Variants in AGBL5 observed in about 807,000 individuals in gnomAD.
AGBL5 encodes the protein cytosolic carboxypeptidase-like protein 5.
AGBL5 carries 51 observed loss-of-function variants against 88.0 expected under a neutral mutation model. The observed-to-expected ratio is 0.58, with a 90% CI of 0.46 to 0.73. The LOEUF is 0.73. AGBL5 is among the 30% of genes least tolerant of loss of function. The probability of loss-of-function intolerance (pLI) is 0.00; values close to 1 mark genes in which losing one functional copy is unlikely to be tolerated. For missense variants in AGBL5, 1,031 were observed against 1,162.2 expected, an observed-to-expected ratio of 0.89 and a Z score of 1.64; for synonymous variants, 446 against 438.8, an observed-to-expected ratio of 1.02 and a Z score of -0.21.
rs1216053018 is a variant in AGBL5 at position 27,055,846 on chromosome 2, C to T, written c.1073C>T (p.Pro358Leu). The T allele has an allele frequency of 6.2e-6, 10 of 1,614,226 alleles. No individual in the cohort carries two copies. In the South Asian group the frequency reaches 7.7e-5, roughly 12 times the overall value. ...SEHQPSSCLP[P>L]DAPVSDLEKA... ...CACCAGCCCAGTTCCTGTCTCCCTC[C>T]TGATGCTCCTGTTTCTGACCTGGAG... Residue 358 changes from proline (P) to leucine (L), a missense_variant, in exon 7 of 15, where the codon CCT becomes CTT. This residue lies in a region of AGBL5 where 540 missense variants were observed against 678.2 expected (regional missense o/e 0.80). Coordinates refer to ENST00000360131, the MANE Select transcript of AGBL5 (RefSeq NM_021831.6).
chr2:27,058,733 T>C lies in AGBL5; in HGVS notation c.1874+131T>C, dbSNP rs527847579. The C allele has an allele frequency of 1.1e-5, 11 of 985,400 alleles. No individual in the cohort carries two copies. In the East Asian group the frequency reaches 2.1e-4, roughly 19 times the overall value. The allele number at this position is 985,400 out of a possible 1,614,324, so 61.0% of individuals were successfully genotyped here. A position where few individuals can be genotyped will look rare whatever the true frequency, so the allele number is the denominator to read the frequency against. On this transcript the variant is annotated intron_variant, in intron 10 of 14. Transcript: ENST00000360131. ...AAATGGCAAATATCTTCAGGGTAAA[T>C]TAAAATTAGTCAGATTAGTTTATTC...
chr2:27,051,018 C>T (rs1262204097), upstream of AGBL5: 2 of 152,256 alleles, frequency 1.3e-5, no homozygotes, highest in Non-Finnish European at 2.9e-5. Flanking sequence ...TTTCTGCGTT[C>T]AATGTACATG....
At chr2:27,065,356 T>G (rs1262490720) in intron 11 of AGBL5, among the ~76,000 whole-genome samples, 1 of 152,054 alleles carries the variant, frequency 6.6e-6, no homozygotes, top group Non-Finnish European at 1.5e-5. Flanking sequence ...TCAGAACTTG[T>G]AGTAATAAGT....
Position 27,069,836 on chromosome 2 carries a change from G to C in AGBL5, c.2489+130G>C, listed in dbSNP as rs1469753058. 8.2e-6 allele frequency: 12 copies of C among 1,464,740 alleles called. No individual in the cohort carries two copies. In the East Asian group the frequency reaches 2.9e-4, roughly 36 times the overall value. The allele number at this position is 1,464,740 out of a possible 1,614,324, so 90.7% of individuals were successfully genotyped here. A position where few individuals can be genotyped will look rare whatever the true frequency, so the allele number is the denominator to read the frequency against. On this transcript the variant is annotated intron_variant, in intron 14 of 14. Coordinates refer to ENST00000360131, the MANE Select transcript of AGBL5 (RefSeq NM_021831.6). The stretch of plus-strand genomic sequence containing the variant: ...CAAAGACTAAATGTACTTCCATTAA[G>C]AATCTAGTCCCTGATTTTTTTTTCC...
intron 10 of AGBL5, 113 bp from the exon 11 acceptor site, chr2:27,059,077 G>A: frequency 2.0e-6 from 2 of 1,006,866 alleles, no homozygotes; most frequent in Non-Finnish European, 3.0e-6. Flanking sequence ...CTTGGGATGG[G>A]TCCCTGTGCC....
At position 27,053,885 on chromosome 2, in the gene AGBL5, C is replaced by G. The variant is rs375924230; in HGVS notation, c.388-11C>G. 2 of 1,609,134 alleles carry G rather than the reference C, an allele frequency of 1.2e-6. No homozygotes were observed. Among genetic ancestry groups the G allele is most frequent in the African/African-American group, 1.3e-5 (1 of 74,998 alleles). On this transcript the variant is annotated splice_polypyrimidine_tract_variant and intron_variant, in intron 3 of 14. Coordinates refer to ENST00000360131, the MANE Select transcript of AGBL5 (RefSeq NM_021831.6). The surrounding 1 kb of genome is among the most constrained non-coding windows in gnomAD (Gnocchi z 4.9). ...CATGTTGCCCCTCCCTCTTCCTCCT[C>G]TGCTCTTCAGATGACAGAGACGCAG...
In AGBL5 at chr2:27,058,542, G is replaced by A; in HGVS notation, c.1814G>A (p.Ser605Asn). Residue 605 changes from serine (S) to asparagine (N), a missense_variant, in exon 10 of 15, where the codon AGC becomes AAC. Transcript: ENST00000360131. ...KHVRNSRGLS[S>N]TLNVGVNKKR... ...GTACGCAACAGCCGAGGCCTAAGCA[G>A]CACTCTGAATGTGGGTGTCAACAAG... 1.2e-6 allele frequency: 2 copies of A among 1,614,210 alleles called. No individual in the cohort carries two copies. Among genetic ancestry groups the A allele is most frequent in the Non-Finnish European group, 1.7e-6 (2 of 1,180,042 alleles).
intron 7 of AGBL5, 60 bp downstream of exon 7, chr2:27,056,198 T>G: frequency 1.3e-6 from 2 of 1,546,284 alleles, no homozygotes; most frequent in Non-Finnish European, 1.8e-6. Context: ...GAGATGGGGT[T>G]AGGCCATGAA....
In AGBL5 at chr2:27,055,770, C is replaced by A; in HGVS notation, c.997C>A (p.Leu333Ile). Residue 333 changes from leucine to isoleucine, a missense_variant, in exon 7 of 15, where the codon CTT becomes ATT. Transcript: ENST00000360131. ...HPAIYGAKAV[L>I]LYHHVHSRLN... ...GGCCATCTATGGGGCCAAAGCTGTGCTTCTCTACCACCATGTGCACTCTCG... is the reference window on the plus strand; with the variant it reads ...GGCCATCTATGGGGCCAAAGCTGTGATTCTCTACCACCATGTGCACTCTCG... 1 of 1,614,192 alleles carries A rather than the reference C, an allele frequency of 6.2e-7. No homozygotes were observed.
chr2:27,058,452 G>A lies in AGBL5; in HGVS notation c.1724G>A (p.Trp575Ter). The A allele has an allele frequency of 1.2e-6, 2 of 1,613,940 alleles. No individual in the cohort carries two copies. The highest frequency in any genetic ancestry group is 2.2e-5 in the South Asian group (2 of 91,074). ...CTGGACATGGCGGAATGTAATCCGT[G>A]GCCCCGAATTGTACTGTCAGAGCAC... ...AALDMAECNP[W>*]PRIVLSEHSS... The change falls in exon 10 of 15, where the codon TGG becomes TAG. Residue 575 changes from tryptophan (W) to a stop codon, truncating the protein, a stop_gained. Transcript: ENST00000360131. LOFTEE classifies it high-confidence loss of function.
chr2:27,062,986 G>A (rs570920289), intron 11 of AGBL5: 1 of 152,224 alleles, frequency 6.6e-6, no homozygotes, highest in Non-Finnish European at 1.5e-5. Context: ...GGGAATAAAC[G>A]TAAGACTGTG....
chr2:27,067,755 T>G (rs1274845764), intron 12 of AGBL5, 109 bp downstream of exon 12: 2 of 1,208,996 alleles, frequency 1.7e-6, no homozygotes, highest in Non-Finnish European at 2.5e-6. Context: ...CCTCTTGGTA[T>G]CCTAAACCTC....
intron 9 of AGBL5, 44 bp downstream of exon 9, chr2:27,057,482 G>T: frequency 6.5e-7 from 1 of 1,549,004 alleles, no homozygotes; most frequent in South Asian, 1.2e-5. Context: ...AAACCTTACA[G>T]TCTGGAAAGG....
In AGBL5 at chr2:27,070,238, C is replaced by G. The variant is rs1302752074; in HGVS notation, c.2636C>G (p.Pro879Arg). The change falls in exon 15 of 15, where the codon CCA becomes CGA. Residue 879 changes from proline to arginine, a missense_variant. Coordinates refer to ENST00000360131, the MANE Select transcript of AGBL5 (RefSeq NM_021831.6). ...GTTTGTTTTGTCCCTAAATCTCCCC[C>G]ACTGACTGTTTCTCCCCGGGTCTGA... ...PEVCFVPKSP[P>R]LTVSPRV 6.8e-6 allele frequency: 11 copies of G among 1,614,106 alleles called. No homozygotes were observed. In the African/African-American group the frequency reaches 1.5e-4, roughly 22 times the overall value.
intron 14 of AGBL5, 148 bp downstream of exon 14, chr2:27,069,854 T>C (rs1669190649): frequency 6.9e-7 from 1 of 1,453,718 alleles, no homozygotes; most frequent in Non-Finnish European, 9.1e-7. Context: ...TCCCTGATTT[T>C]TTTTTCCCCC....
chr2:27,070,476 G>C lies in AGBL5; in HGVS notation c.*213G>C. The C allele has an allele frequency of 1.9e-6, 1 of 530,912 alleles. No homozygotes were observed. The highest frequency in any genetic ancestry group is 3.1e-5 in the South Asian group (1 of 31,868). 32.9% of individuals were successfully genotyped at this position (530,912 alleles called of 1,614,324 possible). ...CCCTCCCTCCGCAGCACAAGATTTTGGGACCACAAAAAAAAGTCTATATTT... is the reference window on the plus strand; with the variant it reads ...CCCTCCCTCCGCAGCACAAGATTTTCGGACCACAAAAAAAAGTCTATATTT... On this transcript the variant is annotated 3_prime_UTR_variant, in exon 15 of 15. Transcript: ENST00000360131.
In AGBL5 at chr2:27,069,349, G is replaced by A. The variant is rs113610587; in HGVS notation, c.2356-224G>A. 2.5e-5 allele frequency: 25 copies of A among 985,306 alleles called. No homozygotes were observed. The African/African-American group carries it at 2.6e-4, about 10-fold the overall frequency. The allele number at this position is 985,306 out of a possible 1,614,324, so 61.0% of individuals were successfully genotyped here. A position where few individuals can be genotyped will look rare whatever the true frequency, so the allele number is the denominator to read the frequency against. On this transcript the variant is annotated intron_variant, in intron 13 of 14. Transcript: ENST00000360131. The stretch of plus-strand genomic sequence containing the variant: ...GCCATGGCGGTTAAATGCTGGATCC[G>A]TTTGCCACCCCTAGTTATAGACTTG...
chr2:27,052,954 C>T lies in AGBL5; in HGVS notation c.-5C>T, dbSNP rs762417942. ...GGGGCAGGAGGATGCTTTCCCAGCC[C>T]CACCATGGAGCTGCGCTGTGGGGGA... On this transcript the variant is annotated 5_prime_UTR_variant, in exon 2 of 15. Coordinates refer to ENST00000360131, the MANE Select transcript of AGBL5 (RefSeq NM_021831.6). The T allele has an allele frequency of 1.0e-5, 16 of 1,584,948 alleles. No homozygotes were observed. In the South Asian group the frequency reaches 1.8e-4, roughly 18 times the overall value.
Position 27,056,094 on chromosome 2 carries a change from G to A in AGBL5, c.1321G>A (p.Gly441Ser), listed in dbSNP as rs1668420103. The A allele has an allele frequency of 6.2e-7, 1 of 1,613,886 alleles. No individual in the cohort carries two copies. The highest frequency in any genetic ancestry group is 8.5e-7 in the Non-Finnish European group (1 of 1,179,816). ...CCTGCATGGACATGCTTCCAAAAGG[G>A]GCTGCTTCATGTACGGAAACAGCTT... ...VDLHGHASKR[G>S]CFMYGNSFSD... Residue 441 changes from glycine to serine, a missense_variant, in exon 7 of 15, where the codon GGC becomes AGC. Gly to Ser is a moderately conservative substitution (Grantham distance 56). This residue lies in a region of AGBL5 where 540 missense variants were observed against 678.2 expected (regional missense o/e 0.80). Coordinates refer to ENST00000360131, the MANE Select transcript of AGBL5 (RefSeq NM_021831.6).
Sources: allele counts gnomAD v4.1 joint callset (sites outside exome capture counted in the v4.1 genomes callset), GRCh38; gene constraint gnomAD v4.1.1; regional missense constraint gnomAD v4.1.1; non-coding constraint Gnocchi (gnomAD v3.1); transcripts MANE v1.5; gene names NCBI Gene and HGNC (gene_info 2026-07-23, HGNC 2026-07-21).